The following EPM2A variants were observed in gnomAD, a reference collection of about 807,000 sequenced individuals.
EPM2A encodes the protein laforin.
EPM2A carries 21 observed loss-of-function variants against 26.5 expected under a neutral mutation model. The observed-to-expected ratio is 0.79, with a 90% CI of 0.56 to 1.14. EPM2A has a LOEUF of 1.14. Ranked by LOEUF, EPM2A falls within the 50% of genes most tolerant of loss-of-function variation. The pLI is 0.00. For synonymous variants in EPM2A, 217 were observed against 177.6 expected, an observed-to-expected ratio of 1.22 and a Z score of -1.76; for missense variants, 458 against 440.8, an observed-to-expected ratio of 1.04 and a Z score of -0.35.
intron 2 of EPM2A, among the ~76,000 whole-genome samples, chr6:145,564,313 C>T (rs1039041159): frequency 2.6e-5 from 4 of 152,066 alleles, no homozygotes; most frequent in East Asian, 1.9e-4. Context: ...TATCTACATA[C>T]GTATGTACAT....
Position 145,625,893 on chromosome 6 carries a change from A to G in EPM2A, c.*1523T>C. On this transcript the variant is annotated 3_prime_UTR_variant, in exon 4 of 4. Transcript: ENST00000367519. ...GTGGAAGAAAGGAAGGTGCAGAAAA[A>G]TAAATACGCATCATAGTTTAATTAG... The G allele has an allele frequency of 6.8e-7, 1 of 1,469,904 alleles. No individual in the cohort carries two copies. The highest frequency in any genetic ancestry group is 9.0e-7 in the Non-Finnish European group (1 of 1,110,068). The allele number at this position is 1,469,904 out of a possible 1,614,324, so 91.1% of individuals were successfully genotyped here. A position where few individuals can be genotyped will look rare whatever the true frequency, so the allele number is the denominator to read the frequency against.
intron 4 of EPM2A, among the ~76,000 whole-genome samples, chr6:145,442,308 C>A (rs1181892745): frequency 6.6e-6 from 1 of 152,116 alleles, no homozygotes; most frequent in East Asian, 1.9e-4. Flanking sequence ...CTCCCGGTAC[C>A]AATTTATTGT....
intron 4 of EPM2A, among the ~76,000 whole-genome samples, chr6:145,415,263 G>T (rs998528306): frequency 6.6e-6 from 1 of 152,158 alleles, no homozygotes; most frequent in South Asian, 2.1e-4. Context: ...GACAATGTAC[G>T]GTTTTCACCT....
At chr6:145,489,189 G>A (rs540108948) in intron 4 of EPM2A, among the ~76,000 whole-genome samples, 4 of 152,238 alleles carry the variant, frequency 2.6e-5, no homozygotes, top group South Asian at 4.1e-4. Flanking sequence ...ACAATGCAAT[G>A]TTCGTCATGC....
At chr6:145,584,834 T>C (rs1325252421) in intron 2 of EPM2A, among the ~76,000 whole-genome samples, 1 of 152,234 alleles carries the variant, frequency 6.6e-6, no homozygotes, top group African/African-American at 2.4e-5. Context: ...TCTGAAGATC[T>C]GCTAGGAGTG....
chr6:145,439,668 T>C (rs1259522524), intron 4 of EPM2A, among the ~76,000 whole-genome samples: 1 of 152,166 alleles, frequency 6.6e-6, no homozygotes, highest in Non-Finnish European at 1.5e-5. Context: ...AGGTTGTTTG[T>C]TTTTTGCTTG....
chr6:145,394,110 A>G (rs1175306501), intron 4 of EPM2A, among the ~76,000 whole-genome samples: 2 of 152,158 alleles, frequency 1.3e-5, no homozygotes, highest in African/African-American at 4.8e-5. Flanking sequence ...GGCATGAGCC[A>G]TCATGCCCGG....
chr6:145,536,259 GTTTTTGTTTTT>G (rs1562373807), intron 2 of EPM2A, among the ~76,000 whole-genome samples: 3 of 145,228 alleles, frequency 2.1e-5, no homozygotes, highest in African/African-American at 7.7e-5. Context: ...TTTTGTTTTT[GTTTTTGTTTTT>G]GTTTTTGTTT....
At chr6:145,691,197 C>T (rs530966219) in intron 1 of EPM2A, among the ~76,000 whole-genome samples, 7 of 151,904 alleles carry the variant, frequency 4.6e-5, no homozygotes, top group African/African-American at 7.2e-5. Context: ...AAATCAATAC[C>T]GAGACATGAC....
chr6:145,431,630 G>T (rs1778922517), intron 4 of EPM2A, among the ~76,000 whole-genome samples: 1 of 152,190 alleles, frequency 6.6e-6, no homozygotes. Context: ...TCAGGCTTCA[G>T]CGAGTAGTAA....
At chr6:145,556,163 A>G (rs1780726238) in intron 2 of EPM2A, among the ~76,000 whole-genome samples, 1 of 152,198 alleles carries the variant, frequency 6.6e-6, no homozygotes. Context: ...AAGAAATAAT[A>G]CTTTTGTGAA....
chr6:145,631,951 G>A (rs933176001), intron 3 of EPM2A: 14 of 151,720 alleles, frequency 9.2e-5, no homozygotes, highest in African/African-American at 2.7e-4. Context: ...TATTATGTGG[G>A]GGGCATATTT....
chr6:145,472,792 A>G (rs1316859304), intron 4 of EPM2A, among the ~76,000 whole-genome samples: 1 of 152,208 alleles, frequency 6.6e-6, no homozygotes, highest in Non-Finnish European at 1.5e-5. Flanking sequence ...GTCCAAGACA[A>G]CAAAGGCGAT....
intron 4 of EPM2A, among the ~76,000 whole-genome samples, chr6:145,401,977 A>G (rs2114667429): frequency 6.6e-6 from 1 of 152,288 alleles, no homozygotes; most frequent in South Asian, 2.1e-4. Flanking sequence ...CATAATTAGA[A>G]AAGCATGATT....
chr6:145,546,066 G>A (rs560970063), intron 2 of EPM2A, among the ~76,000 whole-genome samples: 41 of 152,250 alleles, frequency 2.7e-4, no homozygotes, highest in African/African-American at 9.4e-4. Flanking sequence ...ATATTTATTA[G>A]GGGAATTGGC....
At chr6:145,643,638 G>A (rs1005327015) in intron 2 of EPM2A, among the ~76,000 whole-genome samples, 2 of 151,960 alleles carry the variant, frequency 1.3e-5, no homozygotes, top group African/African-American at 4.8e-5. Flanking sequence ...TTATTCTTTG[G>A]ACTTGTGGGT....
At chr6:145,520,376 T>C (rs1245123959) in intron 2 of EPM2A, among the ~76,000 whole-genome samples, 1 of 152,192 alleles carries the variant, frequency 6.6e-6, no homozygotes, top group African/African-American at 2.4e-5. Flanking sequence ...TCACAAAGCC[T>C]TATCTCCATC....
intron 1 of EPM2A, chr6:145,705,430 C>G: frequency 2.6e-6 from 1 of 391,590 alleles, no homozygotes; most frequent in South Asian, 1.9e-5. Context: ...GCGCACACAC[C>G]TGTAGTCTCA....
intron 1 of EPM2A, among the ~76,000 whole-genome samples, chr6:145,731,250 T>C (rs1342716022): frequency 6.6e-6 from 1 of 152,300 alleles, no homozygotes; most frequent in East Asian, 1.9e-4. Context: ...CAGTATTCCA[T>C]GGAGTGTTCT....
Sources: gnomAD v4.1 joint callset for allele counts (sites outside exome capture counted in the v4.1 genomes callset) on GRCh38, gnomAD v4.1.1 for gene constraint, MANE v1.5 for transcripts, NCBI Gene and HGNC (gene_info 2026-07-23, HGNC 2026-07-21) for gene names.